GPR37: variants seen among roughly 807,000 people sequenced by gnomAD.
GPR37 encodes G protein-coupled receptor 37, also known as prosaposin receptor GPR37.
A neutral mutation model predicts 43.6 loss-of-function variants in GPR37; 20 were observed. The observed-to-expected ratio is 0.46, with a 90% confidence interval of 0.32 to 0.67. The LOEUF is 0.67. Among genes scored for constraint, GPR37 ranks in the 30% least tolerant of loss-of-function variants. The pLI is 0.03. For synonymous variants in GPR37, 315 were observed against 322.6 expected (o/e 0.98, Z 0.25); for missense variants, 724 against 797.2 (o/e 0.91, Z 1.11).
Position 124,743,974 on chromosome 7 carries a change from T to A in GPR37, c.*2551A>T, listed in dbSNP as rs866101491. 2.6e-5 allele frequency: 4 copies of A among 151,654 alleles called. No homozygotes were observed. The highest frequency in any genetic ancestry group is 9.7e-5 in the African/African-American group (4 of 41,314). 9.4% of individuals were successfully genotyped at this position (151,654 alleles called of 1,614,324 possible). A position where few individuals can be genotyped will look rare whatever the true frequency, so the allele number is the denominator to read the frequency against. On this transcript the variant is annotated 3_prime_UTR_variant, in exon 2 of 2. Transcript: ENST00000303921. ...ATTTTTTAAAAGTATATTATAGAAATTGGTTTTTGTGAAAAACACAAGACG... is the reference window on the plus strand; with the variant it reads ...ATTTTTTAAAAGTATATTATAGAAAATGGTTTTTGTGAAAAACACAAGACG...
In GPR37 at chr7:124,747,174, A is replaced by G; in HGVS notation, c.1193T>C (p.Val398Ala). Residue 398 changes from valine (V) to alanine (A), a missense_variant, in exon 2 of 2, where the codon GTT (valine) becomes GCT (alanine). Transcript: ENST00000303921. ...CTCCTTGCTCAGCTGGCGGAGAACA[A>G]CTTCTGGAAGTGCTAACAATAGAGC... ...VGALLLALPEVVLRQLSKEDL... is the reference protein window; with the variant it reads ...VGALLLALPEAVLRQLSKEDL... 1 of 1,614,004 alleles carries G rather than the reference A, an allele frequency of 6.2e-7. No homozygotes were observed.
chr7:124,751,944 C>A (rs534760445), intron 1 of GPR37, among the ~76,000 whole-genome samples: 3 of 151,964 alleles, frequency 2.0e-5, no homozygotes, highest in African/African-American at 4.8e-5. Context: ...TCAAGATCAG[C>A]GGGAAAATAG....
intron 1 of GPR37, among the ~76,000 whole-genome samples, chr7:124,757,799 T>C (rs1793808030): frequency 6.6e-6 from 1 of 152,094 alleles, no homozygotes; most frequent in African/African-American, 2.4e-5. Context: ...TGGAAACTTT[T>C]CCCCCTCTTC....
chr7:124,747,261 T>C lies in GPR37; in HGVS notation c.1106A>G (p.Tyr369Cys), dbSNP rs978602866. Residue 369 changes from tyrosine (Y) to cysteine (C), a missense_variant, in exon 2 of 2, where the codon TAC becomes TGC. By Grantham distance (194) the Tyr-to-Cys change is radical (BLOSUM62 -2). Transcript: ENST00000303921. ...RFRAATNVQM[Y>C]YEMIENCSST... ...GGAACAGTTTTCGATCATTTCGTAG[T>C]ACATCTGTACGTTGGTGGCAGCACG... is the stretch of plus-strand genomic sequence containing the variant. The C allele has an allele frequency of 1.2e-6, 2 of 1,613,900 alleles. No homozygotes were observed. The highest frequency in any genetic ancestry group is 1.3e-5 in the African/African-American group (1 of 75,010).
chr7:124,748,734 A>G (rs910019298), intron 1 of GPR37, among the ~76,000 whole-genome samples: 4 of 152,132 alleles, frequency 2.6e-5, no homozygotes, highest in Admixed American at 2.0e-4. Context: ...GACAATAACC[A>G]CATGAAAAAC....
At chr7:124,761,834 G>A (rs1399839826) in intron 1 of GPR37, among the ~76,000 whole-genome samples, 1 of 151,998 alleles carries the variant, frequency 6.6e-6, no homozygotes, top group African/African-American at 2.4e-5. Context: ...ATAAGGATTA[G>A]GTAGAAATAT....
intron 1 of GPR37, among the ~76,000 whole-genome samples, chr7:124,753,398 G>A (rs1049100603): frequency 6.6e-6 from 1 of 152,042 alleles, no homozygotes; most frequent in Non-Finnish European, 1.5e-5. Flanking sequence ...CATTCCAGAT[G>A]TTCAATATTC....
chr7:124,756,061 A>C (rs1793787580), intron 1 of GPR37, among the ~76,000 whole-genome samples: 2 of 152,182 alleles, frequency 1.3e-5, no homozygotes, highest in African/African-American at 4.8e-5. Flanking sequence ...GTAGTCTGTT[A>C]AGGAAATTTC....
Position 124,746,945 on chromosome 7 carries a change from T to C in GPR37, c.1422A>G (p.Lys474=). 1 of 1,614,078 alleles carries C rather than the reference T, an allele frequency of 6.2e-7. No individual in the cohort carries two copies. The highest frequency in any genetic ancestry group is 8.5e-7 in the Non-Finnish European group (1 of 1,179,958). The stretch of plus-strand genomic sequence containing the variant: ...GCCGTTTATTCCCTCGGGTACAGGC[T>C]TTCTCTGCTTTGCGGATTTTCCTCG... The part of the protein sequence containing the change: ...VTARKIRKAE[K]ACTRGNKRQI... Residue 474 remains lysine (K), a synonymous_variant, in exon 2 of 2, where the codon AAA becomes AAG. Transcript: ENST00000303921.
At position 124,744,072 on chromosome 7, in the gene GPR37, G is replaced by A. The variant is rs1424293914; in HGVS notation, c.*2453C>T. 1 of 151,954 alleles carries A rather than the reference G, an allele frequency of 6.6e-6. No individual in the cohort carries two copies. The highest frequency in any genetic ancestry group is 1.5e-5 in the Non-Finnish European group (1 of 67,970). The allele number at this position is 151,954 out of a possible 1,614,324, so 9.4% of individuals were successfully genotyped here. ...TATCAAAGTTTCCACTTTGACAGAG[G>A]TAGGATTCAATAAGAAAGTACATGT... On this transcript the variant is annotated 3_prime_UTR_variant, in exon 2 of 2. Coordinates refer to ENST00000303921, the MANE Select transcript of GPR37 (RefSeq NM_005302.5).
rs1273419095 is a variant in GPR37, at chr7:124,764,694, C to T, written c.283G>A (p.Asp95Asn). The T allele has an allele frequency of 6.3e-7, 1 of 1,595,258 alleles. No individual in the cohort carries two copies. Reference protein sequence around the residue: ...SWDLPAAPGRDPAAGRGAEAS... With the variant: ...SWDLPAAPGRNPAAGRGAEAS... The stretch of plus-strand genomic sequence containing the variant: ...TCCGCCCCTCTGCCTGCAGCCGGGT[C>T]ACGGCCCGGGGCCGCCGGCAGGTCC... The change falls in exon 1 of 2, where the codon GAC becomes AAC. Residue 95 changes from aspartate (D) to asparagine (N), a missense_variant. By Grantham distance (23) the Asp-to-Asn change is conservative. Around this residue, in one of 2 missense-constraint regions of GPR37, gnomAD observed 382 missense variants for 355.4 expected, o/e 1.07. Transcript: ENST00000303921. The surrounding 1 kb of genome is among the most constrained non-coding windows in gnomAD (Gnocchi z 5.4).
chr7:124,764,565 T>A lies in GPR37; in HGVS notation c.412A>T (p.Asn138Tyr). Residue 138 changes from asparagine (N) to tyrosine (Y), a missense_variant, in exon 1 of 2, where the codon AAC becomes TAC. Coordinates refer to ENST00000303921, the MANE Select transcript of GPR37 (RefSeq NM_005302.5). This position sits in a 1 kb window ranked among gnomAD's most constrained non-coding sequence, Gnocchi z 5.4. ...QEPSETLGRG[N>Y]PTALQLFLQI... ...AGGAAGAGCTGGAGGGCCGTGGGGT[T>A]CCCTCTCCCCAAAGTTTCAGAAGGC... The A allele has an allele frequency of 1.2e-6, 2 of 1,612,868 alleles. No individual in the cohort carries two copies. Among genetic ancestry groups the A allele is most frequent in the Non-Finnish European group, 1.7e-6 (2 of 1,179,634 alleles).
chr7:124,753,957 A>G (rs1793763503), intron 1 of GPR37, among the ~76,000 whole-genome samples: 1 of 152,130 alleles, frequency 6.6e-6, no homozygotes. Flanking sequence ...ACATGACAAC[A>G]ATGACTTTGG....
intron 1 of GPR37, among the ~76,000 whole-genome samples, chr7:124,759,504 C>A (rs1036794015): frequency 6.6e-6 from 1 of 152,208 alleles, no homozygotes; most frequent in East Asian, 1.9e-4. Flanking sequence ...AAGCACACTA[C>A]ATATACAAGT....
At chr7:124,763,421 T>G (rs1793872488) in intron 1 of GPR37, among the ~76,000 whole-genome samples, 1 of 152,214 alleles carries the variant, frequency 6.6e-6, no homozygotes, top group Non-Finnish European at 1.5e-5. Flanking sequence ...TAATATATCA[T>G]GAGGCCAACT....
chr7:124,759,024 A>C (rs752660343), intron 1 of GPR37, among the ~76,000 whole-genome samples: 1 of 151,964 alleles, frequency 6.6e-6, no homozygotes, highest in Non-Finnish European at 1.5e-5. Context: ...TAATGAGCAA[A>C]GATTCATTCC....
chr7:124,764,625 C>T lies in GPR37; in HGVS notation c.352G>A (p.Gly118Ser). 1 of 1,592,598 alleles carries T rather than the reference C, an allele frequency of 6.3e-7. No homozygotes were observed. The highest frequency in any genetic ancestry group is 8.6e-7 in the Non-Finnish European group (1 of 1,168,422). Residue 118 changes from glycine to serine, a missense_variant, in exon 1 of 2, where the codon GGC becomes AGC. Around this residue, in one of 2 missense-constraint regions of GPR37, gnomAD observed 382 missense variants for 355.4 expected, o/e 1.07. Transcript: ENST00000303921. The surrounding 1 kb of genome is among the most constrained non-coding windows in gnomAD (Gnocchi z 5.4). ...CGAGCACCTTTCCACCTCCAGGGGCCAGGTGGCCTGGTTGGAGGTCCCGGG... is the reference window on the plus strand; with the variant it reads ...CGAGCACCTTTCCACCTCCAGGGGCTAGGTGGCCTGGTTGGAGGTCCCGGG... ...GPPGPPTRPP[G>S]PWRWKGARGQ...
chr7:124,744,752 C>G lies in GPR37; in HGVS notation c.*1773G>C, dbSNP rs1015815113. 6.6e-6 allele frequency: 1 copy of G among 152,188 alleles called. No individual in the cohort carries two copies. The highest frequency in any genetic ancestry group is 1.5e-5 in the Non-Finnish European group (1 of 68,036). 9.4% of individuals were successfully genotyped at this position (152,188 alleles called of 1,614,324 possible). A position where few individuals can be genotyped will look rare whatever the true frequency, so the allele number is the denominator to read the frequency against. ...TCATCCCTGCCTGATTCTGTAAGGT[C>G]TGAGGCTGTGACCTATTTACCTTTA... On this transcript the variant is annotated 3_prime_UTR_variant, in exon 2 of 2. Coordinates refer to ENST00000303921, the MANE Select transcript of GPR37 (RefSeq NM_005302.5).
chr7:124,764,817 T>G lies in GPR37; in HGVS notation c.160A>C (p.Arg54=), dbSNP rs1316864130. The G allele has an allele frequency of 6.2e-7, 1 of 1,613,708 alleles. No homozygotes were observed. Among genetic ancestry groups the G allele is most frequent in the Admixed American group, 1.7e-5 (1 of 60,028 alleles). Residue 54 remains arginine, a synonymous_variant, in exon 1 of 2, where the codon AGG becomes CGG. Coordinates refer to ENST00000303921, the MANE Select transcript of GPR37 (RefSeq NM_005302.5). This position sits in a 1 kb window ranked among gnomAD's most constrained non-coding sequence, Gnocchi z 5.4. ...GAATTTCCCGGTCCCCAGGCGTCCC[T>G]GCCGCGGCGCTGGATCACTGTAGGT... ...CAPTVIQRRG[R]DAWGPGNSAR...
Sources: gnomAD v4.1 joint callset for allele counts (sites outside exome capture counted in the v4.1 genomes callset) on GRCh38, gnomAD v4.1.1 for gene constraint, gnomAD v4.1.1 regional missense constraint, Gnocchi (gnomAD v3.1) non-coding constraint, MANE v1.5 for transcripts, NCBI Gene and HGNC (gene_info 2026-07-23, HGNC 2026-07-21) for gene names.